CARD9: variants seen among roughly 807,000 people sequenced by gnomAD.
CARD9 encodes the protein caspase recruitment domain family member 9.
CARD9 carries 53 observed loss-of-function variants against 66.0 expected under a neutral mutation model. The ratio of observed to expected loss-of-function variants is 0.80; its 90% CI spans 0.64 to 1.01. The LOEUF (loss-of-function observed/expected upper bound fraction) is 1.01. Among genes scored for constraint, CARD9 ranks in the 50% least tolerant of loss-of-function variants. CARD9 has a pLI of 0.00. For synonymous variants in CARD9, 387 were observed against 313.8 expected (o/e 1.23, Z -2.47); for missense variants, 769 against 743.2 (o/e 1.03, Z -0.40).
Position 136,367,262 on chromosome 9 carries a change from G to T in CARD9, c.1270-5C>A, listed in dbSNP as rs764782476. 6.2e-7 allele frequency: 1 copy of T among 1,612,630 alleles called. No individual in the cohort carries two copies. The highest frequency in any genetic ancestry group is 1.1e-5 in the South Asian group (1 of 90,960). ...GCCATCTTCCAGGTCGGAGCTCTGTGGTCATAGAAAATGGGGTGGGTGGGC... is the reference window on the plus strand; with the variant it reads ...GCCATCTTCCAGGTCGGAGCTCTGTTGTCATAGAAAATGGGGTGGGTGGGC... On this transcript the variant is annotated splice_polypyrimidine_tract_variant and splice_region_variant and intron_variant, in intron 8 of 12. Coordinates refer to ENST00000371732, the MANE Select transcript of CARD9 (RefSeq NM_052813.5).
intron 11 of CARD9, chr9:136,364,914 C>T (rs769747627): frequency 3.2e-5 from 19 of 597,428 alleles, no homozygotes; most frequent in Non-Finnish European, 5.6e-5. Flanking sequence ...GGACCAGGCA[C>T]ATCCACGTCC....
At position 136,370,394 on chromosome 9, in the gene CARD9, T is replaced by G. The variant is rs138048592; in HGVS notation, c.851A>C (p.Glu284Ala). ...DRSSPYIQVL[E>A]EDWRQALRDH... ...CCGCAGCGCCTGCCGCCAGTCCTCC[T>G]CCAGTACCTGGATGTAGGGGCTGCT... Residue 284 changes from glutamate (E) to alanine (A), a missense_variant, in exon 6 of 13, where the codon GAG (glutamate) becomes GCG (alanine). Transcript: ENST00000371732. 4.9e-5 allele frequency: 79 copies of G among 1,611,336 alleles called. No individual in the cohort carries two copies. The African/African-American group carries it at 9.2e-4, about 19-fold the overall frequency.
chr9:136,369,633 C>T, intron 7 of CARD9, 117 bp downstream of exon 7: 1 of 1,517,494 alleles, frequency 6.6e-7, no homozygotes. Flanking sequence ...AGCAAGACCC[C>T]ATCTCAAAAA....
chr9:136,369,811 T>A lies in CARD9; in HGVS notation c.1016A>T (p.Tyr339Phe). The change falls in exon 7 of 13, where the codon TAC (tyrosine) becomes TTC (phenylalanine). Residue 339 changes from tyrosine (Y) to phenylalanine (F), a missense_variant. By Grantham distance (22) the Tyr-to-Phe change is conservative (BLOSUM62 3). Transcript: ENST00000371732. ...CAGGATGGCCTCGATGCGGTCCTTG[T>A]ACATCTTGGAGTCCTTACGTAGTGC... ...CLALRKDSKM[Y>F]KDRIEAILLQ... The A allele has an allele frequency of 1.2e-6, 2 of 1,612,868 alleles. No homozygotes were observed. The highest frequency in any genetic ancestry group is 1.7e-6 in the Non-Finnish European group (2 of 1,179,974).
In CARD9 at chr9:136,366,859, T is replaced by C. The variant is rs1448500121; in HGVS notation, c.1312-14A>G. On this transcript the variant is annotated splice_polypyrimidine_tract_variant and intron_variant, in intron 9 of 12. Coordinates refer to ENST00000371732, the MANE Select transcript of CARD9 (RefSeq NM_052813.5). ...GGGGAGTGAGAGCTTCCAAAGAGAG[T>C]CAAGATGTCCCATTAGGCCACTTCG... 1 of 1,612,730 alleles carries C rather than the reference T, an allele frequency of 6.2e-7. No individual in the cohort carries two copies. Among genetic ancestry groups the C allele is most frequent in the African/African-American group, 1.3e-5 (1 of 74,946 alleles).
chr9:136,364,438 C>G (rs745884696), intron 12 of CARD9, 37 bp from the exon 13 acceptor site: 27 of 1,541,468 alleles, frequency 1.8e-5, no homozygotes, highest in East Asian at 2.4e-5. Flanking sequence ...ACCCGGCTGC[C>G]GCTCCCCAGC....
At position 136,366,824 on chromosome 9, in the gene CARD9, C is replaced by T. The variant is rs767361965; in HGVS notation, c.1333G>A (p.Glu445Lys). The T allele has an allele frequency of 1.1e-5, 18 of 1,613,108 alleles. No homozygotes were observed. Among genetic ancestry groups the T allele is most frequent in the Admixed American group, 1.7e-5 (1 of 60,012 alleles). Residue 445 changes from glutamate to lysine, a missense_variant, in exon 10 of 13, where the codon GAG (glutamate) becomes AAG (lysine). By Grantham distance (56) the Glu-to-Lys change is moderately conservative. Coordinates refer to ENST00000371732, the MANE Select transcript of CARD9 (RefSeq NM_052813.5). ...CCTTTGTCTGAGAGCTGGGTGTCCT[C>T]CAGGTCCTGGGGGAGTGAGAGCTTC... is the stretch of plus-strand genomic sequence containing the variant. ...SQELSLPQDLEDTQLSDKGCL... is the reference protein window; with the variant it reads ...SQELSLPQDLKDTQLSDKGCL...
At chr9:136,371,820 G>T in intron 2 of CARD9, 75 bp downstream of exon 2, 3 of 1,544,080 alleles carry the variant, frequency 1.9e-6, no homozygotes, top group Non-Finnish European at 1.8e-6. Context: ...GGGTCAGGGT[G>T]GCAGAGCGTG....
rs35984637 is a variant in CARD9 at position 136,370,988 on chromosome 9, A to C, written c.480T>G (p.Arg160=). 7 of 1,611,040 alleles carry C rather than the reference A, an allele frequency of 4.3e-6. No homozygotes were observed. The highest frequency in any genetic ancestry group is 5.9e-6 in the Non-Finnish European group (7 of 1,179,328). The change falls in exon 4 of 13, where the codon CGT becomes CGG. Residue 160 remains arginine (R), a synonymous_variant. Coordinates refer to ENST00000371732, the MANE Select transcript of CARD9 (RefSeq NM_052813.5). ...CGCACTCCTCCTTGAGCCTCTGCACACGCTCCTGGTGCTTGCGCAGCAGGC... is the reference window on the plus strand; with the variant it reads ...CGCACTCCTCCTTGAGCCTCTGCACCCGCTCCTGGTGCTTGCGCAGCAGGC... ...KDSLLRKHQE[R]VQRLKEECEA...
At chr9:136,366,522 C>A (rs773782620) in intron 10 of CARD9, 7 of 538,716 alleles carry the variant, frequency 1.3e-5, no homozygotes, top group Non-Finnish European at 2.0e-5. Context: ...TGGGCCTGCT[C>A]ACCTCTGCAG....
chr9:136,365,158 C>A lies in CARD9; in HGVS notation c.1417G>T (p.Val473Phe). 1 of 1,612,132 alleles carries A rather than the reference C, an allele frequency of 6.2e-7. No individual in the cohort carries two copies. ...AGCCTTACATGGGGGTTCCGCAAAACCTGCTCCTGGTGCAGAGCTGCAAAG... is the reference window on the plus strand; with the variant it reads ...AGCCTTACATGGGGGTTCCGCAAAAACTGCTCCTGGTGCAGAGCTGCAAAG... ...QPFAALHQEQVLRNPHDAGLS... is the reference protein window; with the variant it reads ...QPFAALHQEQFLRNPHDAGLS... Residue 473 changes from valine (V) to phenylalanine (F), a missense_variant, in exon 11 of 13, where the codon GTT (valine) becomes TTT (phenylalanine). Physicochemically the swap from Val to Phe is conservative, Grantham distance 50. Coordinates refer to ENST00000371732, the MANE Select transcript of CARD9 (RefSeq NM_052813.5).
At chr9:136,372,173 G>C (rs907484935) in intron 1 of CARD9, 79 bp from the exon 2 acceptor site, 1 of 1,559,506 alleles carries the variant, frequency 6.4e-7, no homozygotes, top group Non-Finnish European at 8.7e-7. Flanking sequence ...CTTCTCAGAC[G>C]CTGGGCCAGG....
chr9:136,365,316 C>T, intron 10 of CARD9, 99 bp from the exon 11 acceptor site: 3 of 1,164,214 alleles, frequency 2.6e-6, no homozygotes, highest in East Asian at 5.0e-5. Context: ...GGGCTGTCTT[C>T]CAAGGCCTGG....
Position 136,369,806 on chromosome 9 carries a change from C to T in CARD9, c.1021G>A (p.Asp341Asn). 3 of 1,612,740 alleles carry T rather than the reference C, an allele frequency of 1.9e-6. No homozygotes were observed. Among genetic ancestry groups the T allele is most frequent in the Non-Finnish European group, 2.5e-6 (3 of 1,179,936 alleles). Residue 341 changes from aspartate to asparagine, a missense_variant, in exon 7 of 13, where the codon GAC becomes AAC. Coordinates refer to ENST00000371732, the MANE Select transcript of CARD9 (RefSeq NM_052813.5). ...ALRKDSKMYK[D>N]RIEAILLQME... is the part of the protein sequence containing the mutation. ...TGCAGCAGGATGGCCTCGATGCGGT[C>T]CTTGTACATCTTGGAGTCCTTACGT... is the stretch of plus-strand genomic sequence containing the variant.
Position 136,370,445 on chromosome 9 carries a change from G to C in CARD9, c.808-8C>G. The C allele has an allele frequency of 1.2e-6, 2 of 1,610,064 alleles. No individual in the cohort carries two copies. Among genetic ancestry groups the C allele is most frequent in the Non-Finnish European group, 1.7e-6 (2 of 1,179,024 alleles). ...CCTGTCCAGCTTCCCCTCCTGAAGG[G>C]GGCAAAAGGCAATGGCCTGGCTGGG... On this transcript the variant is annotated splice_polypyrimidine_tract_variant and splice_region_variant and intron_variant, in intron 5 of 12. Transcript: ENST00000371732.
At chr9:136,367,437 C>A (rs1027476446) in intron 8 of CARD9, 180 bp from the exon 9 acceptor site, 1 of 929,962 alleles carries the variant, frequency 1.1e-6, no homozygotes, top group African/African-American at 1.6e-5. Context: ...CCAGGACCCA[C>A]CCCGGCCCTG....
intron 6 of CARD9, 35 bp from the exon 7 acceptor site, chr9:136,369,910 G>C: frequency 1.9e-6 from 3 of 1,608,252 alleles, no homozygotes; most frequent in Non-Finnish European, 2.5e-6. Context: ...CCACAGGCCT[G>C]AGGCCCCCCA....
At position 136,370,288 on chromosome 9, in the gene CARD9, T is replaced by G; in HGVS notation, c.951+6A>C. 1 of 1,599,636 alleles carries G rather than the reference T, an allele frequency of 6.3e-7. No homozygotes were observed. Among genetic ancestry groups the G allele is most frequent in the African/African-American group, 1.3e-5 (1 of 74,818 alleles). ...AGGGGCCATGTCTCCCCGCCTGCCC[T>G]CCTACCCGGAGGCGTCGGGCCTCGC... On this transcript the variant is annotated splice_donor_region_variant and intron_variant, in intron 6 of 12. Coordinates refer to ENST00000371732, the MANE Select transcript of CARD9 (RefSeq NM_052813.5).
Position 136,369,875 on chromosome 9 carries a change from A to G in CARD9, c.952T>C (p.Cys318Arg), listed in dbSNP as rs1349658399. 1 of 1,611,790 alleles carries G rather than the reference A, an allele frequency of 6.2e-7. No homozygotes were observed. ...TCGAACATCTCCTTCTCCTCCATGC[A>G]CTGCAGGGGGCGGCAGCTCAGCCCC... ...LRQGEARRLR[C>R]MEEKEMFELQ... The change falls in exon 7 of 13, where the codon TGC (cysteine) becomes CGC (arginine). Residue 318 changes from cysteine to arginine, a missense_variant and splice_region_variant. By Grantham distance (180) the Cys-to-Arg change is radical (BLOSUM62 -3). Transcript: ENST00000371732.
Sources: gnomAD v4.1 joint callset for allele counts on GRCh38, gnomAD v4.1.1 for gene constraint, MANE v1.5 for transcripts, NCBI Gene and HGNC (gene_info 2026-07-23, HGNC 2026-07-21) for gene names.